SPAG16: variants seen among roughly 807,000 people sequenced by gnomAD.
SPAG16 encodes the protein sperm-associated antigen 16 protein.
Under a neutral mutation model 80.4 loss-of-function variants are expected in SPAG16, and 86 were observed. The observed-to-expected ratio is 1.07, with a 90% CI of 0.90 to 1.28. The LOEUF (loss-of-function observed/expected upper bound fraction) is 1.28, where lower values mean the gene tolerates loss of function less well. Among genes scored for constraint, SPAG16 ranks in the 50% most tolerant of loss-of-function variants. The pLI is 0.00. For missense variants in SPAG16, 870 were observed against 765.3 expected (o/e 1.14, Z -1.61); for synonymous variants, 294 against 265.9 (o/e 1.11, Z -1.03).
chr2:213,424,401 C>G (rs115516463), intron 9 of SPAG16, among the ~76,000 whole-genome samples: 1 of 151,938 alleles, frequency 6.6e-6, no homozygotes, highest in Non-Finnish European at 1.5e-5. Flanking sequence ...TTTTTAAACC[C>G]GACTTTATGA....
In SPAG16 at chr2:214,358,389, T is replaced by G. The variant is rs576919379; in HGVS notation, c.1721-51751T>G. On this transcript the variant is annotated intron_variant, in intron 15 of 15. Coordinates refer to ENST00000331683, the MANE Select transcript of SPAG16 (RefSeq NM_024532.5). Reference sequence around the variant, plus strand: ...TTAGTGATACCTTATCTTTAGAAATTTTGCTTATTAGTTTTCCCTCATGCC... The same window carrying G: ...TTAGTGATACCTTATCTTTAGAAATGTTGCTTATTAGTTTTCCCTCATGCC... Among the ~76,000 whole-genome samples the G allele has an allele frequency of 1.6e-4, 24 of 152,024 alleles. No homozygotes were observed. In the South Asian group the frequency reaches 5.0e-3, roughly 32 times the overall value.
chr2:213,904,360 A>G (rs10932514), intron 11 of SPAG16, among the ~76,000 whole-genome samples: 52,006 of 151,950 alleles, frequency 0.34, 9,370 homozygotes, highest in South Asian at 0.47. Flanking sequence ...AACTTCTTAC[A>G]TAGTGGCAGC....
intron 15 of SPAG16, among the ~76,000 whole-genome samples, chr2:214,360,403 T>A (rs1025755193): frequency 6.6e-6 from 1 of 151,916 alleles, no homozygotes; most frequent in Admixed American, 6.6e-5. Flanking sequence ...AAAGCTTAAC[T>A]TTCCACCAAC....
At chr2:214,060,499 G>T (rs1279602402) in intron 13 of SPAG16, among the ~76,000 whole-genome samples, 2 of 151,998 alleles carry the variant, frequency 1.3e-5, no homozygotes, top group African/African-American at 2.4e-5. Context: ...AAAATCGAAA[G>T]AAAAAGGATA....
rs138500780 is a variant in SPAG16 at position 213,848,290 on chromosome 2, G to A, written c.1071-14195G>A. Among the ~76,000 whole-genome samples, 172 of 152,212 alleles carry A rather than the reference G, an allele frequency of 1.1e-3. 1 individual carries two copies. Among genetic ancestry groups the A allele is most frequent in the Middle Eastern group, 0.01 (3 of 294 alleles). Reference sequence around the variant, plus strand: ...TCTCTTTATTTTTGCTTGGTTTCACGTGAATTAGAAGAAAAAAGATGTCAG... The same window carrying A: ...TCTCTTTATTTTTGCTTGGTTTCACATGAATTAGAAGAAAAAAGATGTCAG... On this transcript the variant is annotated intron_variant, in intron 10 of 15. Coordinates refer to ENST00000331683, the MANE Select transcript of SPAG16 (RefSeq NM_024532.5).
At chr2:214,060,323 T>C (rs2050190413) in intron 13 of SPAG16, among the ~76,000 whole-genome samples, 1 of 152,204 alleles carries the variant, frequency 6.6e-6, no homozygotes, top group African/African-American at 2.4e-5. Flanking sequence ...AAACATTCCT[T>C]ATTTTGAAAA....
chr2:214,041,154 C>G (rs1033140531), intron 13 of SPAG16, among the ~76,000 whole-genome samples: 1 of 150,320 alleles, frequency 6.7e-6, no homozygotes, highest in African/African-American at 2.4e-5. Flanking sequence ...ATGATTTTGT[C>G]TTTTTAAATC....
rs537334332 is a variant in SPAG16, at chr2:213,292,111, A to G, written c.137-3953A>G. On this transcript the variant is annotated intron_variant, in intron 1 of 15. Transcript: ENST00000331683. The stretch of plus-strand genomic sequence containing the variant: ...TTTCTACTCTATATTGCCATGTGAC[A>G]TCTTCCTCATATAATCTTATCAGCG... Among the ~76,000 whole-genome samples the G allele has an allele frequency of 1.2e-3, 186 of 152,302 alleles. 1 individual carries two copies. The highest frequency in any genetic ancestry group is 3.9e-3 in the African/African-American group (164 of 41,566).
chr2:214,406,259 T>C (rs968195257), intron 15 of SPAG16, among the ~76,000 whole-genome samples: 1 of 152,204 alleles, frequency 6.6e-6, no homozygotes. Flanking sequence ...CACACGTGTT[T>C]CTAAAATTAA....
At chr2:214,298,771 T>G (rs1186439789) in intron 15 of SPAG16, among the ~76,000 whole-genome samples, 1 of 152,156 alleles carries the variant, frequency 6.6e-6, no homozygotes, top group African/African-American at 2.4e-5. Flanking sequence ...CTCGATTTCT[T>G]TTTCAATCTT....
chr2:213,469,639 T>G (rs2072959471), intron 9 of SPAG16, among the ~76,000 whole-genome samples: 1 of 138,748 alleles, frequency 7.2e-6, no homozygotes, highest in Admixed American at 7.9e-5. Context: ...AGGGTCTGGG[T>G]CATTTGTAGT....
intron 15 of SPAG16, among the ~76,000 whole-genome samples, chr2:214,304,030 C>T (rs533491072): frequency 3.9e-5 from 6 of 152,122 alleles, no homozygotes; most frequent in Non-Finnish European, 7.4e-5. Context: ...TTCCAGTAGG[C>T]CCCAGTGTGT....
intron 11 of SPAG16, among the ~76,000 whole-genome samples, chr2:213,901,228 G>A (rs982249208): frequency 6.6e-6 from 1 of 152,118 alleles, no homozygotes; most frequent in African/African-American, 2.4e-5. Context: ...TACCAGAGGA[G>A]GGCTTCAGTT....
chr2:214,203,098 C>T (rs1559126206), intron 15 of SPAG16, among the ~76,000 whole-genome samples: 1 of 152,010 alleles, frequency 6.6e-6, no homozygotes, highest in Non-Finnish European at 1.5e-5. Flanking sequence ...TTTATTCACA[C>T]TAAATGAAAA....
chr2:214,407,081 AT>A (rs980258898), intron 15 of SPAG16, among the ~76,000 whole-genome samples: 1 of 152,046 alleles, frequency 6.6e-6, no homozygotes, highest in Non-Finnish European at 1.5e-5. Context: ...AAAGCAAGGC[AT>A]TTTTTACATA....
intron 12 of SPAG16, among the ~76,000 whole-genome samples, chr2:213,968,135 C>T (rs2044810048): frequency 6.7e-6 from 1 of 149,164 alleles, no homozygotes. Context: ...CTCTTTCTCT[C>T]TGTCTCTCTT....
intron 15 of SPAG16, among the ~76,000 whole-genome samples, chr2:214,340,132 A>C (rs963992036): frequency 4.5e-4 from 69 of 152,216 alleles, no homozygotes; most frequent in Admixed American, 1.7e-3. Context: ...AGAACGCAAG[A>C]GAGTAAGAGA....
intron 15 of SPAG16, among the ~76,000 whole-genome samples, chr2:214,154,677 G>A (rs1394198987): frequency 6.6e-6 from 1 of 152,026 alleles, no homozygotes; most frequent in African/African-American, 2.4e-5. Flanking sequence ...CATTTATTTA[G>A]AAGTTAGAAG....
chr2:213,802,395 CTCTATCTATCTATCTATCTATCTATCTA>C (rs58879510), intron 10 of SPAG16, among the ~76,000 whole-genome samples: 10 of 148,134 alleles, frequency 6.8e-5, no homozygotes, highest in African/African-American at 1.5e-4. Context: ...TGATTCATGT[CTCTATCTATCTATCTATCTATCTATCTA>C]TCTATCTATC....
Sources: gnomAD v4.1 joint callset for allele counts (sites outside exome capture counted in the v4.1 genomes callset) on GRCh38, gnomAD v4.1.1 for gene constraint, MANE v1.5 for transcripts, NCBI Gene and HGNC (gene_info 2026-07-23, HGNC 2026-07-21) for gene names.